Variants in ATP2B2 observed in about 807,000 individuals in gnomAD.
The protein encoded by ATP2B2 is ATPase plasma membrane Ca2+ transporting 2.
In ATP2B2, 15 loss-of-function variants were observed where a neutral mutation model predicts 120.0. The observed-to-expected ratio is 0.12, with a 90% CI of 0.08 to 0.19. The LOEUF is 0.19. ATP2B2 is among the 10% of genes least tolerant of loss of function. ATP2B2 has a pLI of 1.00. For synonymous variants in ATP2B2, 694 were observed against 700.3 expected (o/e 0.99, Z 0.14); for missense variants, 1,045 against 1,719.8 (o/e 0.61, Z 6.94).
intron 1 of ATP2B2, among the ~76,000 whole-genome samples, chr3:10,648,541 C>G (rs1171617748): frequency 1.3e-5 from 2 of 152,182 alleles, no homozygotes; most frequent in Non-Finnish European, 2.9e-5. Flanking sequence ...CTCGCCAGAG[C>G]CCCAGTTTCT....
intron 8 of ATP2B2, among the ~76,000 whole-genome samples, chr3:10,380,159 C>T (rs975027194): frequency 3.9e-5 from 6 of 152,222 alleles, no homozygotes; most frequent in African/African-American, 9.6e-5. Context: ...GGCTGCCCCC[C>T]ACCGACTCAT....
chr3:10,389,180 C>T (rs1287854954), intron 5 of ATP2B2, among the ~76,000 whole-genome samples: 4 of 151,920 alleles, frequency 2.6e-5, no homozygotes, highest in African/African-American at 9.7e-5. Context: ...GGAAGTGTAG[C>T]TATGGTGGGT....
At chr3:10,690,810 T>C (rs1456906733) in intron 1 of ATP2B2, among the ~76,000 whole-genome samples, 1 of 152,206 alleles carries the variant, frequency 6.6e-6, no homozygotes, top group African/African-American at 2.4e-5. Flanking sequence ...ATGAATTATA[T>C]GAATTCTCAC....
intron 18 of ATP2B2, 53 bp downstream of exon 18, chr3:10,345,331 G>C: frequency 6.3e-7 from 1 of 1,599,350 alleles, no homozygotes; most frequent in Non-Finnish European, 8.6e-7. Context: ...CCGAGCCTCT[G>C]TGGGGGGTCT....
In ATP2B2 at chr3:10,621,376, C is replaced by T. The variant is rs560598099; in HGVS notation, c.-459-1415G>A. ...CCAGCTTGGGAGCCCCAGAGCTCCC[C>T]GCCCCAAATCTTTTCTGGGAAAAAC... is the stretch of plus-strand genomic sequence containing the variant. On this transcript the variant is annotated intron_variant, in intron 1 of 21. Transcript: ENST00000646379. Among the ~76,000 whole-genome samples, 9 of 152,320 alleles carry T rather than the reference C, an allele frequency of 5.9e-5. No individual in the cohort carries two copies. The South Asian group carries it at 8.3e-4, about 14-fold the overall frequency.
chr3:10,395,374 C>A (rs2062001723), intron 5 of ATP2B2, among the ~76,000 whole-genome samples: 1 of 152,194 alleles, frequency 6.6e-6, no homozygotes, highest in East Asian at 1.9e-4. Flanking sequence ...GATGGCACAG[C>A]AGGTAACAGT....
At chr3:10,703,149 C>G (rs894431120) in intron 1 of ATP2B2, among the ~76,000 whole-genome samples, 2 of 152,222 alleles carry the variant, frequency 1.3e-5, no homozygotes, top group African/African-American at 4.8e-5. Context: ...CAGCGGCTCA[C>G]TCCAGCCTTT....
At chr3:10,625,079 T>C (rs2069658039) in intron 1 of ATP2B2, among the ~76,000 whole-genome samples, 1 of 152,186 alleles carries the variant, frequency 6.6e-6, no homozygotes, top group South Asian at 2.1e-4. Context: ...ATAATACCAT[T>C]GATGTCAGTG....
chr3:10,464,450 T>C (rs2064647555), intron 1 of ATP2B2, among the ~76,000 whole-genome samples: 1 of 152,092 alleles, frequency 6.6e-6, no homozygotes, highest in Non-Finnish European at 1.5e-5. Context: ...GGGTATAGCT[T>C]GGCTCCCTCC....
At position 10,345,366 on chromosome 3, in the gene ATP2B2, G is replaced by C. The variant is rs1461405288; in HGVS notation, c.2703+18C>G. On this transcript the variant is annotated intron_variant, in intron 18 of 22. Coordinates refer to ENST00000360273, the MANE Select transcript of ATP2B2 (RefSeq NM_001001331.4). ...TCCGCCCTCCCCCAGGCTTTGGTGT[G>C]GTCTCCTGCGGACCCACCTGCGTGA... The C allele has an allele frequency of 3.1e-6, 5 of 1,613,734 alleles. No individual in the cohort carries two copies. The highest frequency in any genetic ancestry group is 2.7e-5 in the African/African-American group (2 of 74,938).
chr3:10,407,204 G>T (rs2062444753), intron 3 of ATP2B2, among the ~76,000 whole-genome samples: 1 of 152,206 alleles, frequency 6.6e-6, no homozygotes, highest in Admixed American at 6.5e-5. Flanking sequence ...TGGGGATGCT[G>T]TGTACCTGGC....
At chr3:10,532,047 AC>A (rs1242460324) in intron 3 of ATP2B2, among the ~76,000 whole-genome samples, 1 of 125,710 alleles carries the variant, frequency 8.0e-6, no homozygotes, top group Non-Finnish European at 1.6e-5. Context: ...TGTGCCCCTC[AC>A]CCCCCCATCC....
intron 1 of ATP2B2, among the ~76,000 whole-genome samples, chr3:10,452,913 C>T (rs1039056274): frequency 2.0e-5 from 3 of 152,162 alleles, no homozygotes; most frequent in African/African-American, 7.2e-5. Context: ...TGAACATTTA[C>T]CACCCACACC....
chr3:10,471,364 C>CTGAGTGTGTGTGTG (rs1221371075), intron 1 of ATP2B2, among the ~76,000 whole-genome samples: 2,642 of 150,430 alleles, frequency 0.018, 47 homozygotes, highest in Non-Finnish European at 0.024. Context: ...TTCAGGAAAC[C>CTGAGTGTGTGTGTG]TGTGTGTGTG....
chr3:10,410,326 G>T (rs370706280), intron 3 of ATP2B2, among the ~76,000 whole-genome samples: 5 of 152,228 alleles, frequency 3.3e-5, no homozygotes, highest in Admixed American at 3.3e-4. Flanking sequence ...TCAGGGGGTT[G>T]TCAGGGCGAC....
intron 5 of ATP2B2, chr3:10,394,614 T>C: frequency 2.3e-6 from 1 of 443,564 alleles, no homozygotes; most frequent in Non-Finnish European, 4.9e-6. Context: ...CTAGGCTCCC[T>C]GGAGACGGTG....
At chr3:10,606,068 C>T (rs538716696) in intron 2 of ATP2B2, among the ~76,000 whole-genome samples, 4 of 152,180 alleles carry the variant, frequency 2.6e-5, no homozygotes, top group Admixed American at 6.5e-5. Context: ...CAGCGAGCTA[C>T]GATTGTACCA....
At chr3:10,360,678 T>C (rs1209640926) in intron 12 of ATP2B2, among the ~76,000 whole-genome samples, 3 of 152,212 alleles carry the variant, frequency 2.0e-5, no homozygotes, top group Admixed American at 6.5e-5. Flanking sequence ...TTTCCCCCAA[T>C]GTCATCACCA....
intron 1 of ATP2B2, among the ~76,000 whole-genome samples, chr3:10,673,219 T>C (rs2071158150): frequency 6.6e-6 from 1 of 152,122 alleles, no homozygotes; most frequent in Non-Finnish European, 1.5e-5. Context: ...TAGACTCAGT[T>C]TACCAAGTGG....
Sources: allele counts gnomAD v4.1 joint callset (sites outside exome capture counted in the v4.1 genomes callset), GRCh38; gene constraint gnomAD v4.1.1; transcripts MANE v1.5; gene names NCBI Gene and HGNC (gene_info 2026-07-23, HGNC 2026-07-21).